CLIC5: variants seen among roughly 807,000 people sequenced by gnomAD.
CLIC5 encodes chloride intracellular channel protein 5.
In CLIC5, 20 loss-of-function variants were observed where a neutral mutation model predicts 24.7. That is an observed-to-expected ratio of 0.81 (90% CI 0.57 to 1.18). CLIC5 has a LOEUF of 1.18. CLIC5 is among the 50% of genes most tolerant of loss of function. The pLI, the probability that CLIC5 is intolerant of heterozygous loss-of-function variation, is 0.00. For missense variants in CLIC5, 341 were observed against 326.1 expected (o/e 1.05, Z -0.35); for synonymous variants, 159 against 135.6 (o/e 1.17, Z -1.20).
chr6:45,921,909 G>A (rs763459388), intron 4 of CLIC5, among the ~76,000 whole-genome samples: 2 of 152,200 alleles, frequency 1.3e-5, no homozygotes, highest in Non-Finnish European at 2.9e-5. Flanking sequence ...CCAGAGAGGA[G>A]GATGTTGTCA....
upstream of CLIC5, among the ~76,000 whole-genome samples, chr6:46,083,271 T>G (rs998675015): frequency 3.3e-5 from 5 of 152,254 alleles, no homozygotes. Flanking sequence ...TGTCTCTATT[T>G]CCTTCAGTTC....
intron 4 of CLIC5, among the ~76,000 whole-genome samples, chr6:45,934,741 A>G (rs1371411816): frequency 6.6e-6 from 1 of 152,264 alleles, no homozygotes; most frequent in African/African-American, 2.4e-5. Flanking sequence ...CCAGCTAAAA[A>G]GAAAAGGGGC....
intron 1 of CLIC5, among the ~76,000 whole-genome samples, chr6:46,007,704 T>C (rs569426240): frequency 7.2e-5 from 11 of 152,270 alleles, no homozygotes; most frequent in East Asian, 1.9e-4. Context: ...AAGTGTTAGA[T>C]TGGGAACTTA....
At chr6:45,983,989 C>T (rs1765649340) in intron 1 of CLIC5, among the ~76,000 whole-genome samples, 1 of 152,154 alleles carries the variant, frequency 6.6e-6, no homozygotes, top group Non-Finnish European at 1.5e-5. Flanking sequence ...AAATCAATGT[C>T]CAGCACATAG....
rs1237405997 is a variant in CLIC5, at chr6:45,935,329, G to A, written c.406+6218C>T. The stretch of plus-strand genomic sequence containing the variant: ...TTTCACAGCGACGCTTGCTAGAGGT[G>A]GAGGCACTGGCTTGCAGAAGGTGGA... On this transcript the variant is annotated intron_variant, in intron 4 of 5. Coordinates refer to ENST00000339561, the MANE Select transcript of CLIC5 (RefSeq NM_016929.5). 7.9e-5 allele frequency among the ~76,000 whole-genome samples: 12 copies of A among 152,246 alleles called. 1 individual carries two copies. The highest frequency in any genetic ancestry group is 7.8e-4 in the Admixed American group (12 of 15,290).
At chr6:45,911,716 T>C (rs1282856925) in intron 5 of CLIC5, 4 of 985,420 alleles carry the variant, frequency 4.1e-6, no homozygotes, top group South Asian at 4.7e-5. Context: ...TATACTTCTA[T>C]TGATGTTGGT....
the CLIC5 span, among the ~76,000 whole-genome samples, chr6:46,110,373 G>A: frequency 6.6e-6 from 1 of 152,096 alleles, no homozygotes; most frequent in Non-Finnish European, 1.5e-5. Flanking sequence ...TCACCCCCAC[G>A]ACCTGGTGTT....
intron 1 of CLIC5, among the ~76,000 whole-genome samples, chr6:45,998,596 G>A (rs1040022610): frequency 6.6e-6 from 1 of 152,138 alleles, no homozygotes; most frequent in Non-Finnish European, 1.5e-5. Context: ...TTAATAACCT[G>A]GATTCACATC....
chr6:45,937,264 C>G (rs1206822644), intron 4 of CLIC5: 1 of 152,166 alleles, frequency 6.6e-6, no homozygotes, highest in East Asian at 1.9e-4. Context: ...TCATCTTAGT[C>G]CCATTTTTGT....
intron 1 of CLIC5, among the ~76,000 whole-genome samples, chr6:45,997,062 T>C (rs889767626): frequency 9.9e-5 from 15 of 152,148 alleles, no homozygotes; most frequent in African/African-American, 3.4e-4. Flanking sequence ...CACATATGTT[T>C]ATTGCAGCAT....
chr6:46,006,150 A>T (rs1766571453), intron 1 of CLIC5, among the ~76,000 whole-genome samples: 1 of 76,672 alleles, frequency 1.3e-5, no homozygotes, highest in African/African-American at 5.1e-5. Flanking sequence ...ATATATATAT[A>T]TATATATATA....
chr6:45,897,862 A>G (rs1762414855), downstream of CLIC5, among the ~76,000 whole-genome samples: 1 of 152,022 alleles, frequency 6.6e-6, no homozygotes. Flanking sequence ...GTCACTGTTG[A>G]TCTACCTCCA....
intron 1 of CLIC5, among the ~76,000 whole-genome samples, chr6:46,065,360 T>A (rs1269123360): frequency 4.9e-5 from 7 of 142,434 alleles, no homozygotes; most frequent in African/African-American, 1.5e-4. Flanking sequence ...TTTTTTTTTT[T>A]TAAAAAAAAG....
intron 1 of CLIC5, among the ~76,000 whole-genome samples, chr6:46,053,698 A>G (rs2022421): frequency 0.056 from 8,579 of 152,160 alleles, 339 homozygotes; most frequent in Admixed American, 0.12. Flanking sequence ...TTAGCAAACT[A>G]TTTCCTCTCA....
At chr6:45,905,477 G>A (rs1762632731) in intron 5 of CLIC5, among the ~76,000 whole-genome samples, 1 of 116,238 alleles carries the variant, frequency 8.6e-6, no homozygotes, top group Non-Finnish European at 1.7e-5. Context: ...TGGTGATACT[G>A]AGCTTTTTTT....
At chr6:45,967,132 T>A (rs1196782316) in intron 1 of CLIC5, among the ~76,000 whole-genome samples, 2 of 152,202 alleles carry the variant, frequency 1.3e-5, no homozygotes, top group Non-Finnish European at 2.9e-5. Flanking sequence ...AAGGTCCTGT[T>A]TTGGGCTTTC....
chr6:46,014,798 T>G (rs770896486), intron 1 of CLIC5: 1 of 152,234 alleles, frequency 6.6e-6, no homozygotes, highest in Non-Finnish European at 1.5e-5. Context: ...TAATTTGCAC[T>G]GTGCTCCTTC....
downstream of CLIC5, among the ~76,000 whole-genome samples, chr6:45,897,001 T>C (rs1191157078): frequency 3.3e-5 from 5 of 152,218 alleles, no homozygotes; most frequent in African/African-American, 1.2e-4. Flanking sequence ...CATCAAACAA[T>C]CTGGGATGAA....
intron 1 of CLIC5, among the ~76,000 whole-genome samples, chr6:45,980,590 C>A (rs1765535495): frequency 2.0e-5 from 3 of 151,674 alleles, no homozygotes; most frequent in African/African-American, 7.3e-5. Flanking sequence ...AGAGAGATGG[C>A]TTTAGAATCT....
Sources: allele counts gnomAD v4.1 joint callset (sites outside exome capture counted in the v4.1 genomes callset), GRCh38; gene constraint gnomAD v4.1.1; transcripts MANE v1.5; gene names NCBI Gene and HGNC (gene_info 2026-07-23, HGNC 2026-07-21).